Variants in EXOC6 observed in about 807,000 individuals in gnomAD.
EXOC6 encodes exocyst complex component 6, also known as SEC15-like 1.
EXOC6 carries 60 observed loss-of-function variants against 112.5 expected under a neutral mutation model. That is an observed-to-expected ratio of 0.53 (90% CI 0.43 to 0.66). EXOC6 has a LOEUF of 0.66. Ranked by LOEUF, EXOC6 falls within the 30% of genes least tolerant of loss-of-function variation. The probability of loss-of-function intolerance (pLI) is 0.00; values close to 1 mark genes in which losing one functional copy is unlikely to be tolerated. For synonymous variants in EXOC6, 295 were observed against 308.0 expected (o/e 0.96, Z 0.44); for missense variants, 855 against 957.1 (o/e 0.89, Z 1.41).
chr10:93,041,612 C>T (rs1845781973), intron 20 of EXOC6, among the ~76,000 whole-genome samples: 1 of 152,068 alleles, frequency 6.6e-6, no homozygotes, highest in Non-Finnish European at 1.5e-5. Context: ...CAGGGTCTTA[C>T]CACATCGGCC....
At chr10:92,951,525 G>A (rs1853411640) in intron 14 of EXOC6, among the ~76,000 whole-genome samples, 1 of 152,168 alleles carries the variant, frequency 6.6e-6, no homozygotes. Context: ...TTGAACAACT[G>A]TGAGATCACT....
At position 93,042,955 on chromosome 10, in the gene EXOC6, A is replaced by T. The variant is rs4919389; in HGVS notation, c.2170-13969A>T. 1.7e-3 allele frequency among the ~76,000 whole-genome samples: 149 copies of T among 86,216 alleles called. 3 individuals carry two copies. The highest frequency in any genetic ancestry group is 9.5e-3 in the Admixed American group (75 of 7,882). The allele number at this position is 86,216 out of a possible 152,430, so 56.6% of individuals were successfully genotyped here. A position where few individuals can be genotyped will look rare whatever the true frequency, so the allele number is the denominator to read the frequency against. On this transcript the variant is annotated intron_variant, in intron 20 of 21. Transcript: ENST00000260762. Reference sequence around the variant, plus strand: ...TATTATTATTATTATTATTATTATTATTATTTTTTGAGATGGAGTCGCCCA... The same window carrying T: ...TATTATTATTATTATTATTATTATTTTTATTTTTTGAGATGGAGTCGCCCA...
intron 1 of EXOC6, among the ~76,000 whole-genome samples, chr10:92,854,134 A>T (rs1249415597): frequency 6.6e-6 from 1 of 152,124 alleles, no homozygotes; most frequent in Non-Finnish European, 1.5e-5. Flanking sequence ...AGACTGAATA[A>T]TAATAAAACA....
chr10:92,982,866 A>G (rs949331339), intron 18 of EXOC6, among the ~76,000 whole-genome samples: 9 of 152,174 alleles, frequency 5.9e-5, no homozygotes, highest in African/African-American at 1.9e-4. Flanking sequence ...TTTTCCCACT[A>G]AATGTTTCTG....
chr10:92,845,756 T>C (rs1847028931), upstream of EXOC6, among the ~76,000 whole-genome samples: 1 of 151,732 alleles, frequency 6.6e-6, no homozygotes. Flanking sequence ...CTGACCAACA[T>C]GGAGAAACCC....
At chr10:93,055,793 T>C (rs1846511680) in intron 20 of EXOC6, among the ~76,000 whole-genome samples, 1 of 152,206 alleles carries the variant, frequency 6.6e-6, no homozygotes, top group South Asian at 2.1e-4. Context: ...ATTTTCTGCC[T>C]GTTGCAAGAA....
chr10:92,970,817 A>C (rs1400139981), intron 17 of EXOC6, among the ~76,000 whole-genome samples: 1 of 152,210 alleles, frequency 6.6e-6, no homozygotes, highest in Non-Finnish European at 1.5e-5. Flanking sequence ...GGTTTTCCCC[A>C]GCCCACCATG....
rs146256804 is a variant in EXOC6, at chr10:92,957,644, G to C, written c.1773+1930G>C. Among the ~76,000 whole-genome samples, 178 of 152,220 alleles carry C rather than the reference G, an allele frequency of 1.2e-3. 3 individuals are homozygous for C. The East Asian group carries it at 0.031, about 26-fold the overall frequency. ...CACAGAACTCAGTAAATGCTTTTCT[G>C]TTTTCTAATATGTGAGCAAGAGCTG... On this transcript the variant is annotated intron_variant, in intron 17 of 21. Transcript: ENST00000260762.
chr10:92,930,198 ACAT>A (rs1206351530), intron 9 of EXOC6, among the ~76,000 whole-genome samples: 1 of 152,122 alleles, frequency 6.6e-6, no homozygotes, highest in African/African-American at 2.4e-5. Flanking sequence ...CATGAAACAA[ACAT>A]CAACAAATAT....
At chr10:92,877,139 G>A (rs1446363667) in intron 1 of EXOC6, among the ~76,000 whole-genome samples, 1 of 152,144 alleles carries the variant, frequency 6.6e-6, no homozygotes, top group Non-Finnish European at 1.5e-5. Context: ...CCACTTCTTT[G>A]TGCAGGAGCT....
intron 13 of EXOC6, among the ~76,000 whole-genome samples, chr10:92,944,992 G>A (rs552004956): frequency 2.0e-5 from 3 of 151,574 alleles, no homozygotes; most frequent in South Asian, 2.1e-4. Context: ...GGCTGGTCTC[G>A]AACTCCCGAC....
intron 18 of EXOC6, among the ~76,000 whole-genome samples, chr10:92,986,951 A>T (rs1750310080): frequency 6.6e-6 from 1 of 152,094 alleles, no homozygotes; most frequent in South Asian, 2.1e-4. Flanking sequence ...CTTAGGGGAG[A>T]CAAAACATTT....
chr10:92,831,434 TTTTTA>T, upstream of EXOC6: 16 of 839,644 alleles, frequency 1.9e-5, no homozygotes, highest in Non-Finnish European at 2.3e-5. Flanking sequence ...TTCTATTTTT[TTTTTA>T]TTTTTATTTT....
At chr10:92,930,504 A>AAATAATAAT (rs10638557) in intron 9 of EXOC6, among the ~76,000 whole-genome samples, 51 of 149,264 alleles carry the variant, frequency 3.4e-4, no homozygotes, top group East Asian at 1.4e-3. Context: ...ACTCTGTCTC[A>AAATAATAAT]AATAATAATA....
chr10:92,837,223 T>G (rs949672852), intron 1 of EXOC6, among the ~76,000 whole-genome samples: 3 of 152,082 alleles, frequency 2.0e-5, no homozygotes, highest in South Asian at 4.1e-4. Context: ...GATGTGAATA[T>G]TCAGTTGTGG....
intron 17 of EXOC6, among the ~76,000 whole-genome samples, chr10:92,972,728 C>A (rs1842350176): frequency 6.6e-6 from 1 of 152,178 alleles, no homozygotes; most frequent in Admixed American, 6.5e-5. Flanking sequence ...GCTTCTGCAG[C>A]TATTTCAACA....
chr10:92,855,557 C>T (rs1475930662), intron 1 of EXOC6, among the ~76,000 whole-genome samples: 4 of 151,958 alleles, frequency 2.6e-5, no homozygotes, highest in Admixed American at 2.0e-4. Context: ...GGGAAGTTTT[C>T]GATTACTGAT....
chr10:92,984,164 A>G (rs1842920420), intron 18 of EXOC6, among the ~76,000 whole-genome samples: 2 of 152,182 alleles, frequency 1.3e-5, no homozygotes, highest in Non-Finnish European at 2.9e-5. Context: ...GGGGTCCAGT[A>G]TCCAAGTTCT....
intron 18 of EXOC6, among the ~76,000 whole-genome samples, chr10:92,976,545 C>A (rs1400327731): frequency 1.3e-5 from 2 of 151,540 alleles, no homozygotes; most frequent in Non-Finnish European, 2.9e-5. Context: ...GCAGGGTCCT[C>A]TGCCTAGGAA....
Sources: gnomAD v4.1 joint callset for allele counts (sites outside exome capture counted in the v4.1 genomes callset) on GRCh38, gnomAD v4.1.1 for gene constraint, MANE v1.5 for transcripts, NCBI Gene and HGNC (gene_info 2026-07-23, HGNC 2026-07-21) for gene names.